Variants in VPS37A observed in about 807,000 individuals in gnomAD.
VPS37A encodes vacuolar protein sorting-associated protein 37A.
Under a neutral mutation model 49.8 loss-of-function variants are expected in VPS37A, and 30 were observed. The observed-to-expected ratio is 0.60, with a 90% CI of 0.45 to 0.82. The LOEUF (loss-of-function observed/expected upper bound fraction) is 0.82, where lower values mean the gene tolerates loss of function less well. Ranked by LOEUF, VPS37A falls within the 40% of genes least tolerant of loss-of-function variation. The pLI, the probability that VPS37A is intolerant of heterozygous loss-of-function variation, is 0.00. For missense variants in VPS37A, 593 were observed against 464.4 expected (o/e 1.28, Z -2.55); for synonymous variants, 195 against 160.6 (o/e 1.21, Z -1.62).
chr8:17,279,321 G>T (rs1251140461), intron 6 of VPS37A, among the ~76,000 whole-genome samples: 4 of 151,998 alleles, frequency 2.6e-5, no homozygotes, highest in African/African-American at 9.7e-5. Flanking sequence ...CTGACTAGAG[G>T]AAAAAGCCAA....
the VPS37A span, among the ~76,000 whole-genome samples, chr8:17,310,631 G>A: frequency 6.6e-6 from 1 of 152,134 alleles, no homozygotes; most frequent in African/African-American, 2.4e-5. Context: ...AGGTGTCAAT[G>A]CTATCACAGG....
chr8:17,306,869 C>G (rs1457138016), downstream of VPS37A, among the ~76,000 whole-genome samples: 2 of 152,150 alleles, frequency 1.3e-5, no homozygotes, highest in Non-Finnish European at 2.9e-5. Flanking sequence ...CTTCTTTGCA[C>G]CTTATACAAA....
intron 3 of VPS37A, 31 bp from the exon 4 acceptor site, chr8:17,268,825 G>T: frequency 2.1e-6 from 3 of 1,413,270 alleles, no homozygotes; most frequent in Non-Finnish European, 3.0e-6. Flanking sequence ...TTCTGGAAGT[G>T]ATTTTAAGCG....
chr8:17,272,357 A>G (rs1044438199), intron 4 of VPS37A, among the ~76,000 whole-genome samples: 8 of 152,022 alleles, frequency 5.3e-5, no homozygotes, highest in African/African-American at 1.7e-4. Flanking sequence ...CCTGTTTTCT[A>G]TGTTCTAGAG....
chr8:17,260,064 A>G (rs1448930207), intron 1 of VPS37A, among the ~76,000 whole-genome samples: 1 of 152,046 alleles, frequency 6.6e-6, no homozygotes, highest in Non-Finnish European at 1.5e-5. Context: ...AGTCCATTAC[A>G]TTAATTATTG....
chr8:17,280,739 A>G (rs985477218), intron 9 of VPS37A, among the ~76,000 whole-genome samples: 1 of 152,028 alleles, frequency 6.6e-6, no homozygotes, highest in African/African-American at 2.4e-5. Flanking sequence ...CCTAGCAATA[A>G]CAACAAAAAC....
chr8:17,263,774 T>C (rs1813180973), intron 1 of VPS37A, among the ~76,000 whole-genome samples: 1 of 152,082 alleles, frequency 6.6e-6, no homozygotes, highest in Non-Finnish European at 1.5e-5. Flanking sequence ...TGAAACCCCT[T>C]ATCTACAAAA....
At chr8:17,322,410 T>A in the VPS37A span, among the ~76,000 whole-genome samples, 2 of 152,244 alleles carry the variant, frequency 1.3e-5, no homozygotes, top group African/African-American at 4.8e-5. Flanking sequence ...AATGTGAATT[T>A]TTGTGTCTAA....
chr8:17,247,427 C>G (rs1253975791), intron 1 of VPS37A, 58 bp downstream of exon 1: 5 of 1,517,244 alleles, frequency 3.3e-6, no homozygotes, highest in Non-Finnish European at 4.4e-6. Flanking sequence ...GCGGGCTTGT[C>G]CTAACCACCC....
intron 11 of VPS37A, among the ~76,000 whole-genome samples, chr8:17,290,825 G>T (rs970744827): frequency 6.6e-6 from 1 of 152,102 alleles, no homozygotes; most frequent in Non-Finnish European, 1.5e-5. Context: ...TTTTTGGTTG[G>T]TGAGCTATTA....
intron 11 of VPS37A, among the ~76,000 whole-genome samples, chr8:17,289,502 A>G (rs903532597): frequency 6.6e-6 from 1 of 152,096 alleles, no homozygotes; most frequent in African/African-American, 2.4e-5. Flanking sequence ...CAAAGATCAG[A>G]TGGTTGTAGA....
chr8:17,311,704 G>C, the VPS37A span: 1 of 1,606,372 alleles, frequency 6.2e-7, no homozygotes, highest in Non-Finnish European at 8.5e-7. Flanking sequence ...TCTCATCACA[G>C]CCAGGTTTGA....
intron 9 of VPS37A, among the ~76,000 whole-genome samples, chr8:17,284,079 T>TTA (rs1304320253): frequency 6.6e-6 from 1 of 152,202 alleles, no homozygotes; most frequent in Non-Finnish European, 1.5e-5. Flanking sequence ...CCTTATTCTA[T>TTA]TGAAATGAGT....
chr8:17,256,276 G>T (rs545494569), intron 1 of VPS37A, among the ~76,000 whole-genome samples: 1 of 136,894 alleles, frequency 7.3e-6, no homozygotes, highest in African/African-American at 2.9e-5. Context: ...AGTCTTTTTA[G>T]CTGGGGTAAA....
downstream of VPS37A, among the ~76,000 whole-genome samples, chr8:17,300,783 C>T (rs1435966255): frequency 6.6e-6 from 1 of 152,230 alleles, no homozygotes; most frequent in Non-Finnish European, 1.5e-5. Context: ...TCCTATCTCC[C>T]CACAGCCCCT....
intron 4 of VPS37A, chr8:17,271,978 C>A (rs1023214894): frequency 2.2e-6 from 1 of 456,576 alleles, no homozygotes; most frequent in Non-Finnish European, 4.4e-6. Context: ...TCTCTCTTCT[C>A]ACATTTTACT....
intron 11 of VPS37A, among the ~76,000 whole-genome samples, chr8:17,292,153 G>C (rs963023518): frequency 4.6e-5 from 7 of 152,190 alleles, no homozygotes; most frequent in African/African-American, 2.4e-5. Context: ...GGGTGCTCCT[G>C]TATTGGGTGC....
At chr8:17,300,928 C>T (rs1817068676), downstream of VPS37A, among the ~76,000 whole-genome samples, 1 of 152,190 alleles carries the variant, frequency 6.6e-6, no homozygotes, top group African/African-American at 2.4e-5. Context: ...AGAATTCATT[C>T]ATGGTACAGC....
At chr8:17,252,397 C>G (rs1237031718) in intron 1 of VPS37A, among the ~76,000 whole-genome samples, 4 of 152,124 alleles carry the variant, frequency 2.6e-5, no homozygotes, top group Admixed American at 6.5e-5. Context: ...GCTTGTCTCT[C>G]AAACTCCTGG....
Sources: allele counts gnomAD v4.1 joint callset (sites outside exome capture counted in the v4.1 genomes callset), GRCh38; gene constraint gnomAD v4.1.1; transcripts MANE v1.5; gene names NCBI Gene and HGNC (gene_info 2026-07-23, HGNC 2026-07-21).